Variants in RYR2 observed in about 807,000 individuals in gnomAD.
RYR2 encodes the protein ryanodine receptor 2.
In RYR2, 227 loss-of-function variants were observed where a neutral mutation model predicts 601.1. The ratio of observed to expected loss-of-function variants is 0.38; its 90% CI spans 0.34 to 0.42. The LOEUF is 0.42. RYR2 is among the 10% of genes least tolerant of loss of function. RYR2 has a pLI of 1.00. For missense variants in RYR2, 4,646 were observed against 6,156.5 expected, an observed-to-expected ratio of 0.75 and a Z score of 8.21; for synonymous variants, 2,223 against 2,175.1, an observed-to-expected ratio of 1.02 and a Z score of -0.61.
At chr1:237,720,224 AT>A (rs1221503898) in intron 73 of RYR2, among the ~76,000 whole-genome samples, 2 of 152,114 alleles carry the variant, frequency 1.3e-5, no homozygotes, top group Non-Finnish European at 2.9e-5. Context: ...CTTCTGAGGA[AT>A]TTTTTTTAAT....
chr1:237,286,408 T>C (rs1038958183), intron 2 of RYR2, among the ~76,000 whole-genome samples: 2 of 151,780 alleles, frequency 1.3e-5, no homozygotes, highest in African/African-American at 2.4e-5. Context: ...TCAGTTTTCT[T>C]AAATTTATTG....
intron 100 of RYR2, among the ~76,000 whole-genome samples, chr1:237,812,198 G>A (rs1276143786): frequency 1.3e-5 from 2 of 152,144 alleles, no homozygotes; most frequent in African/African-American, 2.4e-5. Context: ...AGGAAGAGGT[G>A]ACACTCTTCA....
intron 63 of RYR2, among the ~76,000 whole-genome samples, chr1:237,691,117 A>C (rs867046934): frequency 6.6e-6 from 1 of 152,166 alleles, no homozygotes; most frequent in African/African-American, 2.4e-5. Flanking sequence ...TCTAAGTCTT[A>C]AGCATTTAAG....
chr1:237,274,457 T>C (rs1269050251), intron 2 of RYR2, among the ~76,000 whole-genome samples: 1 of 151,898 alleles, frequency 6.6e-6, no homozygotes, highest in Admixed American at 6.6e-5. Context: ...AACAAAGATA[T>C]AAAGAAAATA....
At chr1:237,186,847 T>C (rs1477760857) in intron 1 of RYR2, among the ~76,000 whole-genome samples, 1 of 152,248 alleles carries the variant, frequency 6.6e-6, no homozygotes, top group Non-Finnish European at 1.5e-5. Flanking sequence ...GATATATTTG[T>C]GTCAAATAGC....
chr1:237,181,534 A>G (rs1156427476), intron 1 of RYR2, among the ~76,000 whole-genome samples: 1 of 151,994 alleles, frequency 6.6e-6, no homozygotes, highest in African/African-American at 2.4e-5. Flanking sequence ...GGTGTGTCAG[A>G]TGAGAGATGT....
At chr1:237,205,124 G>T (rs752035416) in intron 1 of RYR2, among the ~76,000 whole-genome samples, 2 of 152,186 alleles carry the variant, frequency 1.3e-5, no homozygotes, top group Non-Finnish European at 2.9e-5. Flanking sequence ...CATAAGTAAC[G>T]TTAGCCTCTA....
At chr1:237,548,620 C>G in intron 26 of RYR2, 30 bp downstream of exon 26, 3 of 1,606,058 alleles carry the variant, frequency 1.9e-6, no homozygotes, top group Non-Finnish European at 2.6e-6. Context: ...TGGTCTGAGA[C>G]TTACTTAAGT....
intron 1 of RYR2, among the ~76,000 whole-genome samples, chr1:237,221,801 T>C (rs1683827557): frequency 6.6e-6 from 1 of 152,158 alleles, no homozygotes; most frequent in South Asian, 2.1e-4. Flanking sequence ...CAACACAGAT[T>C]TCTTTTCCAT....
At chr1:237,755,692 C>A (rs573029395) in intron 80 of RYR2, among the ~76,000 whole-genome samples, 1 of 152,196 alleles carries the variant, frequency 6.6e-6, no homozygotes, top group Non-Finnish European at 1.5e-5. Context: ...TTTGTTACCA[C>A]CAGAGAATAC....
chr1:237,521,301 A>T (rs544160140), intron 24 of RYR2, among the ~76,000 whole-genome samples: 2 of 152,332 alleles, frequency 1.3e-5, no homozygotes, highest in South Asian at 4.1e-4. Flanking sequence ...AACAGTCCTC[A>T]ACAAAAATAC....
intron 1 of RYR2, among the ~76,000 whole-genome samples, chr1:237,229,127 C>G (rs556307967): frequency 6.2e-5 from 4 of 65,014 alleles, no homozygotes; most frequent in East Asian, 4.7e-4. Flanking sequence ...GCTGTAGCAT[C>G]GCATCTTCTC....
intron 1 of RYR2, among the ~76,000 whole-genome samples, chr1:237,136,011 A>G (rs1275051485): frequency 6.6e-6 from 1 of 152,192 alleles, no homozygotes; most frequent in East Asian, 1.9e-4. Context: ...GCTGTTGTGC[A>G]GGAAAGCCAC....
chr1:237,735,994 T>C (rs1306032920), intron 79 of RYR2, among the ~76,000 whole-genome samples: 2 of 152,188 alleles, frequency 1.3e-5, no homozygotes, highest in Admixed American at 1.3e-4. Flanking sequence ...CATAAAAATA[T>C]ATGCCATGAA....
chr1:237,303,793 CA>C (rs1693607285), intron 2 of RYR2, among the ~76,000 whole-genome samples: 1 of 152,002 alleles, frequency 6.6e-6, no homozygotes, highest in Non-Finnish European at 1.5e-5. Context: ...AGTGATAACT[CA>C]AATACATTTG....
Position 237,649,045 on chromosome 1 carries a change from C to T in RYR2, c.7512+432C>T, listed in dbSNP as rs543180650. Reference sequence around the variant, plus strand: ...TGTTGAGTCAGTATCATCTTGGTATCTTCGTTTGTTAAGGTACAAATGGAT... The same window carrying T: ...TGTTGAGTCAGTATCATCTTGGTATTTTCGTTTGTTAAGGTACAAATGGAT... On this transcript the variant is annotated intron_variant, in intron 49 of 104. Transcript: ENST00000366574. Among the ~76,000 whole-genome samples the T allele has an allele frequency of 1.4e-4, 22 of 152,268 alleles. No individual in the cohort carries two copies. In the South Asian group the frequency reaches 4.6e-3, roughly 32 times the overall value.
chr1:237,184,487 G>C (rs1168184561), intron 1 of RYR2, among the ~76,000 whole-genome samples: 1 of 152,182 alleles, frequency 6.6e-6, no homozygotes, highest in Non-Finnish European at 1.5e-5. Flanking sequence ...GTTATCAAGA[G>C]TGTATTTTTC....
intron 17 of RYR2, among the ~76,000 whole-genome samples, chr1:237,474,217 G>GTGTGTC (rs1383277229): frequency 2.7e-5 from 3 of 110,908 alleles, no homozygotes; most frequent in Non-Finnish European, 6.4e-5. Context: ...GTGTGTGTGT[G>GTGTGTC]TGTAGATCTA....
intron 89 of RYR2, among the ~76,000 whole-genome samples, chr1:237,783,127 C>T (rs1292893165): frequency 4.6e-5 from 7 of 152,132 alleles, no homozygotes; most frequent in Admixed American, 6.6e-5. Flanking sequence ...TCAGAAAAAG[C>T]GTACAGTTTG....
Sources: gnomAD v4.1 joint callset for allele counts (sites outside exome capture counted in the v4.1 genomes callset) on GRCh38, gnomAD v4.1.1 for gene constraint, MANE v1.5 for transcripts, NCBI Gene and HGNC (gene_info 2026-07-23, HGNC 2026-07-21) for gene names.